The following EPHA6 variants were observed in gnomAD, a reference collection of about 807,000 sequenced individuals.
EPHA6 encodes the protein EPH receptor A6, also known as ephrin type-A receptor 6.
A neutral mutation model predicts 112.0 loss-of-function variants in EPHA6; 50 were observed. The ratio of observed to expected loss-of-function variants is 0.45; its 90% CI spans 0.36 to 0.56. The LOEUF (loss-of-function observed/expected upper bound fraction) is 0.56. Among genes scored for constraint, EPHA6 ranks in the 20% least tolerant of loss-of-function variants. The probability of loss-of-function intolerance (pLI) is 0.00; values close to 1 mark genes in which losing one functional copy is unlikely to be tolerated. For synonymous variants in EPHA6, 529 were observed against 490.7 expected, an observed-to-expected ratio of 1.08 and a Z score of -1.03; for missense variants, 1,280 against 1,417.4, an observed-to-expected ratio of 0.90 and a Z score of 1.56.
In EPHA6 at chr3:97,752,515, T is replaced by C. The variant is rs1306529879; in HGVS notation, c.*3814T>C. 4.6e-6 allele frequency: 1 copy of C among 219,438 alleles called. No homozygotes were observed. Among genetic ancestry groups the C allele is most frequent in the East Asian group, 6.7e-5 (1 of 15,010 alleles). 13.6% of individuals were successfully genotyped at this position (219,438 alleles called of 1,614,324 possible). On this transcript the variant is annotated 3_prime_UTR_variant, in exon 18 of 18. Transcript: ENST00000389672. ...CTCTCTTTATTCCTTTCTCAGCTTCTATCACGCCACACATTATCTCAATCA... is the reference window on the plus strand; with the variant it reads ...CTCTCTTTATTCCTTTCTCAGCTTCCATCACGCCACACATTATCTCAATCA...
chr3:97,009,097 G>T (rs1453171935), intron 3 of EPHA6, among the ~76,000 whole-genome samples: 1 of 152,080 alleles, frequency 6.6e-6, no homozygotes, highest in African/African-American at 2.4e-5. Context: ...TGAGTGTCAC[G>T]GGGAGCAGGA....
At chr3:97,596,604 A>G (rs1545127) in intron 12 of EPHA6, among the ~76,000 whole-genome samples, 17,505 of 151,606 alleles carry the variant, frequency 0.12, 1,266 homozygotes, top group South Asian at 0.23. Context: ...TGTCTCAAAA[A>G]TTAGACCAAC....
At chr3:97,720,933 T>G (rs1271291897) in intron 15 of EPHA6, among the ~76,000 whole-genome samples, 1 of 152,208 alleles carries the variant, frequency 6.6e-6, no homozygotes, top group Non-Finnish European at 1.5e-5. Context: ...ACTACCTTGG[T>G]GGTTGATACT....
chr3:97,405,000 A>G (rs1007197786), intron 5 of EPHA6, 150 bp from the exon 6 acceptor site: 5 of 801,824 alleles, frequency 6.2e-6, no homozygotes, highest in East Asian at 5.4e-5. Flanking sequence ...CGAATAGAGC[A>G]TATCGTAAGG....
At chr3:96,979,142 T>C (rs1397301423) in intron 2 of EPHA6, among the ~76,000 whole-genome samples, 2 of 152,066 alleles carry the variant, frequency 1.3e-5, no homozygotes, top group Non-Finnish European at 2.9e-5. Flanking sequence ...ATGTGCCATG[T>C]TTGTGTGCTG....
chr3:97,202,826 G>T (rs973412706), intron 3 of EPHA6, among the ~76,000 whole-genome samples: 1 of 152,094 alleles, frequency 6.6e-6, no homozygotes, highest in Non-Finnish European at 1.5e-5. Flanking sequence ...TTCTGCTCTT[G>T]AGAATAGCAG....
intron 3 of EPHA6, among the ~76,000 whole-genome samples, chr3:97,037,202 T>A (rs188294151): frequency 6.6e-6 from 1 of 152,154 alleles, no homozygotes; most frequent in Admixed American, 6.6e-5. Context: ...GTCTTTGCCT[T>A]TAAGGACCTT....
chr3:97,559,629 G>A (rs1445859072), intron 11 of EPHA6: 2 of 455,372 alleles, frequency 4.4e-6, no homozygotes, highest in African/African-American at 2.0e-5. Context: ...CAGGGCAAAA[G>A]GGGAAGCAGG....
intron 5 of EPHA6, among the ~76,000 whole-genome samples, chr3:97,327,899 A>C (rs573714716): frequency 7.0e-6 from 1 of 142,092 alleles, no homozygotes; most frequent in Admixed American, 7.2e-5. Context: ...ATATATGTAT[A>C]TGTGTGTATA....
intron 5 of EPHA6, among the ~76,000 whole-genome samples, chr3:97,258,708 G>T (rs922853855): frequency 6.6e-6 from 1 of 152,050 alleles, no homozygotes; most frequent in Non-Finnish European, 1.5e-5. Flanking sequence ...TCAACTCTGT[G>T]TTCTAGTCCC....
intron 14 of EPHA6, chr3:97,648,401 A>C: frequency 6.5e-7 from 1 of 1,529,864 alleles, no homozygotes. Flanking sequence ...GATAATTATA[A>C]AAAATAATGA....
At chr3:97,223,114 A>G (rs1029924371) in intron 3 of EPHA6, among the ~76,000 whole-genome samples, 2 of 152,232 alleles carry the variant, frequency 1.3e-5, no homozygotes, top group Non-Finnish European at 2.9e-5. Flanking sequence ...ATCTTTGGCA[A>G]TTCATTCCTT....
At chr3:96,909,229 T>A (rs558648051) in intron 2 of EPHA6, among the ~76,000 whole-genome samples, 21 of 152,084 alleles carry the variant, frequency 1.4e-4, no homozygotes, top group African/African-American at 5.1e-4. Context: ...TACTAATTAG[T>A]GTAGATGAAG....
chr3:97,020,854 C>T (rs1469771768), intron 3 of EPHA6, among the ~76,000 whole-genome samples: 3 of 152,000 alleles, frequency 2.0e-5, no homozygotes, highest in Non-Finnish European at 4.4e-5. Context: ...GTTATTGGAA[C>T]GCTAAGCTTG....
At chr3:97,449,291 T>A (rs1250246605) in intron 7 of EPHA6, among the ~76,000 whole-genome samples, 1 of 152,098 alleles carries the variant, frequency 6.6e-6, no homozygotes, top group African/African-American at 2.4e-5. Flanking sequence ...TTGAGGTCTT[T>A]TATTCATTCT....
chr3:97,349,657 T>C (rs2083704540), intron 5 of EPHA6, among the ~76,000 whole-genome samples: 1 of 152,056 alleles, frequency 6.6e-6, no homozygotes, highest in Admixed American at 6.6e-5. Context: ...CCTTCTCTTT[T>C]TCTTATCATC....
At chr3:97,695,324 T>C (rs2032961456) in intron 14 of EPHA6, among the ~76,000 whole-genome samples, 1 of 152,208 alleles carries the variant, frequency 6.6e-6, no homozygotes, top group South Asian at 2.1e-4. Flanking sequence ...TAAAGAAAGA[T>C]GAGTCCATGA....
At chr3:97,714,087 T>G (rs1163795531) in intron 14 of EPHA6, among the ~76,000 whole-genome samples, 1 of 152,178 alleles carries the variant, frequency 6.6e-6, no homozygotes, top group Non-Finnish European at 1.5e-5. Flanking sequence ...ATCTGCTGTT[T>G]GAGAAGATCA....
At chr3:97,341,319 G>A (rs1332270313) in intron 5 of EPHA6, among the ~76,000 whole-genome samples, 1 of 151,924 alleles carries the variant, frequency 6.6e-6, no homozygotes, top group Non-Finnish European at 1.5e-5. Flanking sequence ...AACAGCTGGA[G>A]TCTCTTGTTA....
Sources: gnomAD v4.1 joint callset for allele counts (sites outside exome capture counted in the v4.1 genomes callset) on GRCh38, gnomAD v4.1.1 for gene constraint, MANE v1.5 for transcripts, NCBI Gene and HGNC (gene_info 2026-07-23, HGNC 2026-07-21) for gene names.